Variants in TMC2 observed in about 807,000 individuals in gnomAD.
TMC2 encodes transmembrane channel-like protein 2.
A neutral mutation model predicts 105.9 loss-of-function variants in TMC2; 102 were observed. That is an observed-to-expected ratio of 0.96 (90% CI 0.82 to 1.14). The LOEUF is 1.14. TMC2 is among the 50% of genes most tolerant of loss of function. The pLI, the probability that TMC2 is intolerant of heterozygous loss-of-function variation, is 0.00. For synonymous variants in TMC2, 402 were observed against 422.8 expected, an observed-to-expected ratio of 0.95 and a Z score of 0.60; for missense variants, 1,093 against 1,134.3, an observed-to-expected ratio of 0.96 and a Z score of 0.52.
At position 2,616,879 on chromosome 20, in the gene TMC2, C is replaced by G. The variant is rs1346029139; in HGVS notation, c.1941-193C>G. On this transcript the variant is annotated intron_variant, in intron 15 of 19. Coordinates refer to ENST00000358864, the MANE Select transcript of TMC2 (RefSeq NM_080751.3). The surrounding 1 kb of genome is among the most constrained non-coding windows in gnomAD (Gnocchi z 4.8). ...AGCCAGGAATGCTCGGAGTGCCTCC[C>G]TCTCCTGAGGACTGCATGGTTCTGG... is the stretch of plus-strand genomic sequence containing the variant. 6.6e-6 allele frequency among the ~76,000 whole-genome samples: 1 copy of G among 152,242 alleles called. No homozygotes were observed. The highest frequency in any genetic ancestry group is 1.9e-4 in the East Asian group (1 of 5,190).
At chr20:2,544,929 C>T (rs1253536426) in intron 2 of TMC2, among the ~76,000 whole-genome samples, 2 of 151,338 alleles carry the variant, frequency 1.3e-5, no homozygotes, top group South Asian at 2.1e-4. Context: ...GGCATGGTGG[C>T]GCATACTTGT....
At chr20:2,605,660 G>A (rs999089441) in intron 11 of TMC2, among the ~76,000 whole-genome samples, 7 of 152,152 alleles carry the variant, frequency 4.6e-5, no homozygotes, top group African/African-American at 9.7e-5. Context: ...GAGGAGACAC[G>A]ATTCAATCCA....
At chr20:2,625,965 G>C (rs1176578525) in intron 17 of TMC2, among the ~76,000 whole-genome samples, 1 of 152,132 alleles carries the variant, frequency 6.6e-6, no homozygotes, top group African/African-American at 2.4e-5. Flanking sequence ...TGAACCACCT[G>C]GGTGTATTTT....
intron 2 of TMC2, among the ~76,000 whole-genome samples, chr20:2,550,259 G>A (rs1369971144): frequency 6.6e-6 from 1 of 152,112 alleles, no homozygotes; most frequent in Non-Finnish European, 1.5e-5. Context: ...TGAGGAGGGA[G>A]GATCACTTGA....
At chr20:2,611,611 A>G (rs2086438772) in intron 12 of TMC2, among the ~76,000 whole-genome samples, 1 of 152,040 alleles carries the variant, frequency 6.6e-6, no homozygotes, top group South Asian at 2.1e-4. Flanking sequence ...TCCCAGAGAG[A>G]ATTTCTCACA....
rs957991023 is a variant in TMC2 at position 2,550,726 on chromosome 20, T to C, written c.83-7730T>C. Among the ~76,000 whole-genome samples the C allele has an allele frequency of 3.3e-5, 5 of 152,262 alleles. No individual in the cohort carries two copies. The East Asian group carries it at 9.6e-4, about 29-fold the overall frequency. ...CTCTTTCTCCAGAATGCTGTATAGT[T>C]ACAATCATACAGCATATAACCTTTT... On this transcript the variant is annotated intron_variant, in intron 2 of 19. Coordinates refer to ENST00000358864, the MANE Select transcript of TMC2 (RefSeq NM_080751.3).
intron 5 of TMC2, 59 bp from the exon 6 acceptor site, chr20:2,579,087 C>A: frequency 1.0e-6 from 1 of 961,960 alleles, no homozygotes; most frequent in Non-Finnish European, 1.7e-6. Flanking sequence ...CTCATCATGC[C>A]CCTTTGTGCT....
At chr20:2,539,511 G>C (rs1025275193) in intron 2 of TMC2, among the ~76,000 whole-genome samples, 2 of 152,166 alleles carry the variant, frequency 1.3e-5, no homozygotes, top group Non-Finnish European at 2.9e-5. Flanking sequence ...GCTCAGAAGA[G>C]GATGCAAACA....
intron 17 of TMC2, among the ~76,000 whole-genome samples, chr20:2,630,120 A>G (rs1023487041): frequency 1.3e-5 from 2 of 152,242 alleles, no homozygotes; most frequent in African/African-American, 4.8e-5. Flanking sequence ...AAAAATATTT[A>G]GAAGAAGAAG....
intron 10 of TMC2, among the ~76,000 whole-genome samples, chr20:2,599,487 C>T (rs2086334194): frequency 1.3e-5 from 2 of 151,046 alleles, no homozygotes; most frequent in Non-Finnish European, 2.9e-5. Context: ...TACTTTGCCC[C>T]CGTGATTGTA....
intron 9 of TMC2, among the ~76,000 whole-genome samples, chr20:2,596,564 T>G (rs1417018038): frequency 7.1e-6 from 1 of 140,404 alleles, no homozygotes; most frequent in Non-Finnish European, 1.5e-5. Context: ...ACCCGGGAGG[T>G]GGAGGCTGCA....
At chr20:2,615,898 A>T (rs879382260) in intron 14 of TMC2, among the ~76,000 whole-genome samples, 3 of 152,180 alleles carry the variant, frequency 2.0e-5, no homozygotes, top group Non-Finnish European at 4.4e-5. Flanking sequence ...TTTTTTGTTT[A>T]CTGAAATAGG....
intron 5 of TMC2, 147 bp from the exon 6 acceptor site, chr20:2,578,999 G>A (rs765393888): frequency 8.1e-6 from 5 of 619,786 alleles, no homozygotes; most frequent in Non-Finnish European, 8.8e-6. Context: ...TGGGCTCAAG[G>A]ACAGCAGGAG....
rs752018823 is a variant in TMC2 at position 2,597,170 on chromosome 20, G to A, written c.1096G>A (p.Gly366Arg). Reference protein sequence around the residue: ...VIRSMASNTQGSTGEGESDNF... With the variant: ...VIRSMASNTQRSTGEGESDNF... The stretch of plus-strand genomic sequence containing the variant: ...CTACAGGATGGCCAGCAATACCCAA[G>A]GAAGCACAGGCGAAGGGGAGAGTGA... The change falls in exon 10 of 20, where the codon GGA (glycine) becomes AGA (arginine). Residue 366 changes from glycine (G) to arginine (R), a missense_variant. Gly to Arg is a moderately radical substitution (Grantham distance 125). Coordinates refer to ENST00000358864, the MANE Select transcript of TMC2 (RefSeq NM_080751.3). 3.1e-6 allele frequency: 5 copies of A among 1,613,356 alleles called. No homozygotes were observed. Among genetic ancestry groups the A allele is most frequent in the Non-Finnish European group, 4.2e-6 (5 of 1,179,974 alleles).
At chr20:2,580,909 G>T (rs2086184685) in intron 7 of TMC2, among the ~76,000 whole-genome samples, 1 of 152,196 alleles carries the variant, frequency 6.6e-6, no homozygotes, top group African/African-American at 2.4e-5. Flanking sequence ...CTTTTCCAAG[G>T]AGCCTGTGGC....
rs1366557599 is a variant in TMC2, at chr20:2,558,034, G to A, written c.83-422G>A. On this transcript the variant is annotated intron_variant, in intron 2 of 19. Transcript: ENST00000358864. This position sits in a 1 kb window ranked among gnomAD's most constrained non-coding sequence, Gnocchi z 4.6. ...CAGAAACGAAGACCCAAATATACAG[G>A]GAAAACTGTATTTTTATGGAGAGTT... is the stretch of plus-strand genomic sequence containing the variant. Among the ~76,000 whole-genome samples, 2 of 152,194 alleles carry A rather than the reference G, an allele frequency of 1.3e-5. No individual in the cohort carries two copies. The highest frequency in any genetic ancestry group is 1.3e-4 in the Admixed American group (2 of 15,282).
chr20:2,579,248 G>GT (rs779312603), intron 6 of TMC2, 21 bp downstream of exon 6: 2 of 1,477,654 alleles, frequency 1.4e-6, no homozygotes, highest in Non-Finnish European at 1.9e-6. Flanking sequence ...TGGTGTCACT[G>GT]TTTTTTTAAT....
At chr20:2,537,159 C>T in intron 1 of TMC2, 110 bp from the exon 2 acceptor site, 1 of 908,114 alleles carries the variant, frequency 1.1e-6, no homozygotes, top group Non-Finnish European at 1.8e-6. Flanking sequence ...AGCTGGGTCC[C>T]AGTTTGAGGC....
chr20:2,624,414 C>T lies in TMC2; in HGVS notation c.2306+18C>T, dbSNP rs1030235555. 3.1e-6 allele frequency: 5 copies of T among 1,606,700 alleles called. No homozygotes were observed. The highest frequency in any genetic ancestry group is 4.3e-6 in the Non-Finnish European group (5 of 1,176,342). On this transcript the variant is annotated intron_variant, in intron 17 of 19. Coordinates refer to ENST00000358864, the MANE Select transcript of TMC2 (RefSeq NM_080751.3). ...CTGATGTTGTAAGTTAGCCAGGACC[C>T]ATGGCTCCACCCCACGGAAACTTCT...
Sources: gnomAD v4.1 joint callset for allele counts (sites outside exome capture counted in the v4.1 genomes callset) on GRCh38, gnomAD v4.1.1 for gene constraint, Gnocchi (gnomAD v3.1) non-coding constraint, MANE v1.5 for transcripts, NCBI Gene and HGNC (gene_info 2026-07-23, HGNC 2026-07-21) for gene names.